The following PCDHGA9 variants were observed in gnomAD, a reference collection of about 807,000 sequenced individuals.
The protein encoded by PCDHGA9 is protocadherin gamma-A9.
Under a neutral mutation model 62.5 loss-of-function variants are expected in PCDHGA9, and 37 were observed. The observed-to-expected ratio is 0.59, with a 90% CI of 0.46 to 0.78. The LOEUF (loss-of-function observed/expected upper bound fraction) is 0.78, where lower values mean the gene tolerates loss of function less well. Ranked by LOEUF, PCDHGA9 falls within the 30% of genes least tolerant of loss-of-function variation. The pLI is 0.00. For missense variants in PCDHGA9, 1,138 were observed against 1,166.2 expected (o/e 0.98, Z 0.35); for synonymous variants, 459 against 484.6 (o/e 0.95, Z 0.69).
intron 1 of PCDHGA9, chr5:141,430,865 C>G: frequency 6.3e-7 from 1 of 1,595,350 alleles, no homozygotes; most frequent in Non-Finnish European, 8.5e-7. Flanking sequence ...CTATTCAGTT[C>G]CGGAAGAGCT....
Position 141,476,708 on chromosome 5 carries a change from T to C in PCDHGA9, c.2425-18099T>C, listed in dbSNP as rs1205987380. The C allele has an allele frequency of 1.2e-6, 2 of 1,614,150 alleles. No homozygotes were observed. The highest frequency in any genetic ancestry group is 8.5e-7 in the Non-Finnish European group (1 of 1,180,024). ...CAGCACCAAGTACGCGGAGCTGGTG[T>C]TGGAGCGCGCCCTGGACCGAGAACG... On this transcript the variant is annotated intron_variant, in intron 1 of 3. Coordinates refer to ENST00000573521, the MANE Select transcript of PCDHGA9 (RefSeq NM_018921.3). The surrounding 1 kb of genome is among the most constrained non-coding windows in gnomAD (Gnocchi z 7.6).
At chr5:141,471,965 G>A (rs919560714) in intron 1 of PCDHGA9, among the ~76,000 whole-genome samples, 4 of 152,160 alleles carry the variant, frequency 2.6e-5, no homozygotes, top group Non-Finnish European at 4.4e-5. Context: ...GGGGTTGGTT[G>A]CATTACTGTA....
chr5:141,404,183 G>T lies in PCDHGA9; in HGVS notation c.1231G>T (p.Asp411Tyr), dbSNP rs759576056. ...CAGATTGTTGACGGCCCAAATTCTT[G>T]ACCGAGAAAAAGCCTCAGAATATAA... ...YYRLLTAQIL[D>Y]REKASEYNIT... The change falls in exon 1 of 4, where the codon GAC (aspartate) becomes TAC (tyrosine). Residue 411 changes from aspartate to tyrosine, a missense_variant. Physicochemically the swap from Asp to Tyr is radical, Grantham distance 160 (BLOSUM62 -3). Coordinates refer to ENST00000573521, the MANE Select transcript of PCDHGA9 (RefSeq NM_018921.3). 2.5e-6 allele frequency: 4 copies of T among 1,613,154 alleles called. No individual in the cohort carries two copies. In the South Asian group the frequency reaches 4.4e-5, roughly 18 times the overall value.
At chr5:141,418,563 C>A (rs2096269554) in intron 1 of PCDHGA9, 2 of 1,613,998 alleles carry the variant, frequency 1.2e-6, no homozygotes, top group Non-Finnish European at 1.7e-6. Context: ...GTAATAGATG[C>A]CAATGACAAC....
At position 141,511,519 on chromosome 5, in the gene PCDHGA9, C is replaced by A; in HGVS notation, c.*346C>A. On this transcript the variant is annotated 3_prime_UTR_variant, in exon 4 of 4. Transcript: ENST00000573521. ...CCAAATCAATCAGGCCCATCCATCC[C>A]ATGCCTCCCTCCTCCCCACCCCACT... 2.7e-6 allele frequency: 1 copy of A among 367,516 alleles called. No individual in the cohort carries two copies. The highest frequency in any genetic ancestry group is 2.7e-5 in the South Asian group (1 of 36,848). 22.8% of individuals were successfully genotyped at this position (367,516 alleles called of 1,614,324 possible). A position where few individuals can be genotyped will look rare whatever the true frequency, so the allele number is the denominator to read the frequency against.
chr5:141,451,993 C>G (rs1235806360), intron 1 of PCDHGA9, among the ~76,000 whole-genome samples: 4 of 152,164 alleles, frequency 2.6e-5, no homozygotes, highest in African/African-American at 7.2e-5. Context: ...TCATTAGAAG[C>G]AAAATCACTT....
At position 141,511,260 on chromosome 5, in the gene PCDHGA9, G is replaced by A; in HGVS notation, c.*87G>A. 6.4e-7 allele frequency: 1 copy of A among 1,558,596 alleles called. No individual in the cohort carries two copies. Among genetic ancestry groups the A allele is most frequent in the Non-Finnish European group, 8.7e-7 (1 of 1,151,758 alleles). On this transcript the variant is annotated 3_prime_UTR_variant, in exon 4 of 4. Transcript: ENST00000573521. ...CCTGCACCCAGGCCTCAGAGTTTCA[G>A]GGCTAACCCCCAGAATACTGGTAGG...
At chr5:141,410,600 C>T in intron 1 of PCDHGA9, 1 of 1,608,048 alleles carries the variant, frequency 6.2e-7, no homozygotes, top group Non-Finnish European at 8.5e-7. Flanking sequence ...TTTGACTTCA[C>T]ATCCTGAGAC....
At chr5:141,413,623 G>A (rs1454358985) in intron 1 of PCDHGA9, 2 of 1,613,752 alleles carry the variant, frequency 1.2e-6, no homozygotes, top group African/African-American at 1.3e-5. Flanking sequence ...TAATGAAAAT[G>A]TCGCTGCGGG....
rs372168887 is a variant in PCDHGA9, at chr5:141,477,322, C to T, written c.2425-17485C>T. On this transcript the variant is annotated intron_variant, in intron 1 of 3. Transcript: ENST00000573521. The surrounding 1 kb of genome is among the most constrained non-coding windows in gnomAD (Gnocchi z 4.9). The stretch of plus-strand genomic sequence containing the variant: ...GTCTCCCTTTCAGCCTTACTTCTTC[C>T]CTCAAGAATTACTTCACTTTGAAAA... 17 of 1,614,050 alleles carry T rather than the reference C, an allele frequency of 1.1e-5. No homozygotes were observed. In the African/African-American group the frequency reaches 1.5e-4, roughly 14 times the overall value.
intron 1 of PCDHGA9, among the ~76,000 whole-genome samples, chr5:141,454,881 C>G (rs2098805859): frequency 7.4e-6 from 1 of 135,536 alleles, no homozygotes; most frequent in African/African-American, 2.8e-5. Flanking sequence ...GATCTTGGCT[C>G]ACTGCTAGCA....
chr5:141,494,680 C>G (rs552351026), intron 1 of PCDHGA9, 127 bp from the exon 2 acceptor site: 2 of 1,560,096 alleles, frequency 1.3e-6, no homozygotes, highest in East Asian at 4.6e-5. Context: ...CCACCCCTGC[C>G]CCCTCTTAGT....
At chr5:141,420,234 T>G (rs766733064) in intron 1 of PCDHGA9, 1 of 1,600,030 alleles carries the variant, frequency 6.2e-7, no homozygotes, top group Non-Finnish European at 8.5e-7. Flanking sequence ...GCTAGCATTT[T>G]AACTCCCAGC....
intron 2 of PCDHGA9, among the ~76,000 whole-genome samples, chr5:141,497,984 C>G (rs2099780951): frequency 6.6e-6 from 1 of 152,194 alleles, no homozygotes; most frequent in South Asian, 2.1e-4. Flanking sequence ...TGGGAGGCCC[C>G]TGCCCTCAAG....
chr5:141,466,297 A>G (rs1206472131), intron 1 of PCDHGA9, among the ~76,000 whole-genome samples: 3 of 152,146 alleles, frequency 2.0e-5, no homozygotes, highest in East Asian at 1.9e-4. Flanking sequence ...CAGGCTCCCA[A>G]GTAGCTGGGA....
chr5:141,420,269 A>G, intron 1 of PCDHGA9: 1 of 1,544,558 alleles, frequency 6.5e-7, no homozygotes, highest in Admixed American at 2.0e-5. Flanking sequence ...GAAGATTCTT[A>G]AACAGGTAAG....
chr5:141,436,240 G>A (rs192988618), intron 1 of PCDHGA9, among the ~76,000 whole-genome samples: 2 of 152,200 alleles, frequency 1.3e-5, no homozygotes, highest in East Asian at 3.9e-4. Flanking sequence ...AGCTAACATG[G>A]TCTAATTATT....
In PCDHGA9 at chr5:141,432,853, C is replaced by A. The variant is rs748301578; in HGVS notation, c.2424+27477C>A. 1.1e-5 allele frequency: 17 copies of A among 1,614,176 alleles called. No homozygotes were observed. Among genetic ancestry groups the A allele is most frequent in the East Asian group, 4.5e-5 (2 of 44,874 alleles). On this transcript the variant is annotated intron_variant, in intron 1 of 3. Transcript: ENST00000573521. The surrounding 1 kb of genome is among the most constrained non-coding windows in gnomAD (Gnocchi z 6.0). ...CTCTGTACCTGGTGGTAGCGGTGGC[C>A]GCGGTCTCCTGCGTCTTCCTGGCCT...
In PCDHGA9 at chr5:141,476,177, C is replaced by T. The variant is rs1221752964; in HGVS notation, c.2425-18630C>T. On this transcript the variant is annotated intron_variant, in intron 1 of 3. Transcript: ENST00000573521. The surrounding 1 kb of genome is among the most constrained non-coding windows in gnomAD (Gnocchi z 7.6). ...CACCGGGAGGGTAGTGGGAGTTTTG[C>T]TTCTGCTTGGTGCCTTGAACAAGGC... 6.2e-7 allele frequency: 1 copy of T among 1,613,436 alleles called. No individual in the cohort carries two copies. Among genetic ancestry groups the T allele is most frequent in the Non-Finnish European group, 8.5e-7 (1 of 1,179,944 alleles).
Sources: allele counts gnomAD v4.1 joint callset (sites outside exome capture counted in the v4.1 genomes callset), GRCh38; gene constraint gnomAD v4.1.1; non-coding constraint Gnocchi (gnomAD v3.1); transcripts MANE v1.5; gene names NCBI Gene and HGNC (gene_info 2026-07-23, HGNC 2026-07-21).